Variants in ITFG1 observed in about 807,000 individuals in gnomAD.
ITFG1 encodes the protein integrin alpha FG-GAP repeat containing 1.
In ITFG1, 34 loss-of-function variants were observed where a neutral mutation model predicts 81.8. The ratio of observed to expected loss-of-function variants is 0.42; its 90% confidence interval spans 0.32 to 0.55. ITFG1 has a LOEUF of 0.55. Ranked by LOEUF, ITFG1 falls within the 20% of genes least tolerant of loss-of-function variation. ITFG1 has a pLI of 0.17. For missense variants in ITFG1, 672 were observed against 755.4 expected (o/e 0.89, Z 1.29); for synonymous variants, 285 against 270.6 (o/e 1.05, Z -0.52).
At chr16:47,325,140 AC>A (rs1967514667) in intron 8 of ITFG1, among the ~76,000 whole-genome samples, 2 of 152,234 alleles carry the variant, frequency 1.3e-5, no homozygotes, top group Non-Finnish European at 2.9e-5. Context: ...TGTCTCTCAG[AC>A]CACAGTGCAA....
At chr16:47,415,219 T>C (rs1343023064) in intron 6 of ITFG1, among the ~76,000 whole-genome samples, 1 of 152,176 alleles carries the variant, frequency 6.6e-6, no homozygotes, top group Non-Finnish European at 1.5e-5. Context: ...TGCTTATTCT[T>C]TAGTTATGAA....
chr16:47,335,417 A>T (rs535766289), intron 8 of ITFG1, among the ~76,000 whole-genome samples: 1 of 152,178 alleles, frequency 6.6e-6, no homozygotes, highest in Non-Finnish European at 1.5e-5. Context: ...ACAACAAAAA[A>T]CCCTACTAAG....
chr16:47,172,528 T>C (rs565829708), intron 14 of ITFG1, among the ~76,000 whole-genome samples: 122 of 151,610 alleles, frequency 8.0e-4, no homozygotes, highest in Non-Finnish European at 1.5e-3. Context: ...TAATCCCTGA[T>C]TTTATTCCCC....
chr16:47,269,930 T>C (rs965980656), intron 10 of ITFG1, among the ~76,000 whole-genome samples: 2 of 152,110 alleles, frequency 1.3e-5, no homozygotes, highest in African/African-American at 4.8e-5. Flanking sequence ...AGATGGACAA[T>C]AGATCATGGG....
intron 12 of ITFG1, among the ~76,000 whole-genome samples, chr16:47,249,807 G>A (rs1374327374): frequency 1.3e-5 from 2 of 152,158 alleles, no homozygotes; most frequent in Non-Finnish European, 1.5e-5. Context: ...TTCTAGCATT[G>A]TGATTCAGTT....
At chr16:47,170,276 T>C (rs1023985373) in intron 14 of ITFG1, among the ~76,000 whole-genome samples, 1 of 152,182 alleles carries the variant, frequency 6.6e-6, no homozygotes, top group African/African-American at 2.4e-5. Context: ...CATGAAATTG[T>C]TGGTAGAATT....
chr16:47,363,823 A>G (rs1293681583), intron 8 of ITFG1, among the ~76,000 whole-genome samples: 1 of 152,078 alleles, frequency 6.6e-6, no homozygotes, highest in Non-Finnish European at 1.5e-5. Context: ...GTTCCTTTCT[A>G]GTCTTCTCTT....
chr16:47,278,213 T>C (rs1966417628), intron 10 of ITFG1, among the ~76,000 whole-genome samples: 1 of 152,192 alleles, frequency 6.6e-6, no homozygotes, highest in South Asian at 2.1e-4. Flanking sequence ...GTGTTTAACA[T>C]GTTTTCATGT....
At chr16:47,305,764 T>G (rs1967148243) in intron 10 of ITFG1, among the ~76,000 whole-genome samples, 1 of 152,178 alleles carries the variant, frequency 6.6e-6, no homozygotes. Flanking sequence ...TCTAGAATTC[T>G]ATACTCAGCC....
intron 14 of ITFG1, among the ~76,000 whole-genome samples, chr16:47,176,505 A>T (rs2151511673): frequency 6.6e-6 from 1 of 152,362 alleles, no homozygotes; most frequent in South Asian, 2.1e-4. Context: ...AACATATGTC[A>T]TTACATAGGG....
At chr16:47,335,411 CA>C (rs1256297360) in intron 8 of ITFG1, among the ~76,000 whole-genome samples, 2 of 151,834 alleles carry the variant, frequency 1.3e-5, no homozygotes, top group African/African-American at 2.4e-5. Flanking sequence ...CCCAAAACAA[CA>C]AAAAACCCTA....
At chr16:47,226,378 T>G (rs1965756987) in intron 13 of ITFG1, among the ~76,000 whole-genome samples, 1 of 152,126 alleles carries the variant, frequency 6.6e-6, no homozygotes, top group South Asian at 2.1e-4. Flanking sequence ...CCCGGTTAAT[T>G]TTTGTATTTT....
intron 5 of ITFG1, among the ~76,000 whole-genome samples, chr16:47,430,172 C>T (rs1969076947): frequency 2.0e-5 from 3 of 151,476 alleles, no homozygotes; most frequent in Admixed American, 1.3e-4. Context: ...ATTCTCCTGC[C>T]TTAGCCACCC....
At chr16:47,404,935 C>T (rs1310151548) in intron 6 of ITFG1, among the ~76,000 whole-genome samples, 1 of 151,826 alleles carries the variant, frequency 6.6e-6, no homozygotes, top group African/African-American at 2.4e-5. Flanking sequence ...TTTTGATTTG[C>T]CCATTTATAT....
intron 13 of ITFG1, among the ~76,000 whole-genome samples, chr16:47,236,543 C>G (rs1268533647): frequency 6.6e-6 from 1 of 151,188 alleles, no homozygotes; most frequent in African/African-American, 2.4e-5. Context: ...AAACTTTCAC[C>G]TAGAACTTGT....
chr16:47,184,477 C>G (rs1386727019), intron 14 of ITFG1, among the ~76,000 whole-genome samples: 3 of 152,142 alleles, frequency 2.0e-5, no homozygotes, highest in Non-Finnish European at 4.4e-5. Context: ...CAATATTCAA[C>G]ATTCTTAAAG....
At chr16:47,176,766 C>T (rs1489868494) in intron 14 of ITFG1, among the ~76,000 whole-genome samples, 3 of 152,150 alleles carry the variant, frequency 2.0e-5, no homozygotes, top group South Asian at 4.2e-4. Context: ...GACTGTGTTC[C>T]AAGTATTGAT....
chr16:47,198,882 A>C (rs1965389077), intron 14 of ITFG1, among the ~76,000 whole-genome samples: 1 of 152,236 alleles, frequency 6.6e-6, no homozygotes, highest in African/African-American at 2.4e-5. Context: ...AGTTATTACA[A>C]AAGGGTCAAA....
chr16:47,336,572 A>G (rs1452610610), intron 8 of ITFG1, among the ~76,000 whole-genome samples: 5 of 152,244 alleles, frequency 3.3e-5, no homozygotes, highest in Non-Finnish European at 7.3e-5. Flanking sequence ...ACATTACTCA[A>G]AACACTCCAA....
Sources: allele counts gnomAD v4.1 joint callset (sites outside exome capture counted in the v4.1 genomes callset), GRCh38; gene constraint gnomAD v4.1.1; transcripts MANE v1.5; gene names NCBI Gene and HGNC (gene_info 2026-07-23, HGNC 2026-07-21).